Variants in SORBS2 observed in about 807,000 individuals in gnomAD.
SORBS2 encodes the protein sorbin and SH3 domain containing 2.
A neutral mutation model predicts 97.7 loss-of-function variants in SORBS2; 46 were observed. That is an observed-to-expected ratio of 0.47 (90% CI 0.37 to 0.60). The LOEUF (loss-of-function observed/expected upper bound fraction) is 0.60, where lower values mean the gene tolerates loss of function less well. Ranked by LOEUF, SORBS2 falls within the 20% of genes least tolerant of loss-of-function variation. The pLI, the probability that SORBS2 is intolerant of heterozygous loss-of-function variation, is 0.00. For missense variants in SORBS2, 1,316 were observed against 1,282.3 expected (o/e 1.03, Z -0.40); for synonymous variants, 476 against 473.4 (o/e 1.01, Z -0.07).
intron 1 of SORBS2, among the ~76,000 whole-genome samples, chr4:185,954,934 A>G (rs554066260): frequency 1.6e-3 from 241 of 152,338 alleles, no homozygotes; most frequent in Non-Finnish European, 2.7e-3. Flanking sequence ...CCTGGCCAAC[A>G]TGAGTAAAAC....
In SORBS2 at chr4:185,684,744, G is replaced by T; in HGVS notation, c.-197-5922C>A. On this transcript the variant is annotated intron_variant, in intron 2 of 20. Transcript: ENST00000284776. This position sits in a 1 kb window ranked among gnomAD's most constrained non-coding sequence, Gnocchi z 4.2. ...CAAGTGCGACATTGTGTGAGTTAGT[G>T]ATATTATACCTGCAGCCAATAGGTT... The T allele has an allele frequency of 6.5e-7, 1 of 1,536,226 alleles. No homozygotes were observed. The highest frequency in any genetic ancestry group is 8.8e-7 in the Non-Finnish European group (1 of 1,133,190).
At chr4:185,925,829 C>CG (rs1448818034) in intron 1 of SORBS2, among the ~76,000 whole-genome samples, 1 of 152,068 alleles carries the variant, frequency 6.6e-6, no homozygotes, top group Non-Finnish European at 1.5e-5. Flanking sequence ...ATATAGAGTC[C>CG]GGGTGCAGGG....
Position 185,752,221 on chromosome 4 carries a change from T to C in SORBS2, c.-198+23006A>G, listed in dbSNP as rs150628581. Among the ~76,000 whole-genome samples, 51 of 151,804 alleles carry C rather than the reference T, an allele frequency of 3.4e-4. 1 individual carries two copies. The highest frequency in any genetic ancestry group is 1.2e-3 in the African/African-American group (48 of 41,524). On this transcript the variant is annotated intron_variant, in intron 2 of 20. Coordinates refer to the SORBS2 transcript ENST00000284776. ...AAAAACAAATGTAAGCAACATTTAT[T>C]ACTGTAGTTAGAATTTTAAAATATG...
intron 2 of SORBS2, 67 bp downstream of exon 10, chr4:185,652,595 T>A (rs896756934): frequency 8.1e-7 from 1 of 1,238,198 alleles, no homozygotes; most frequent in Admixed American, 1.7e-5. Context: ...ATCAAACCGA[T>A]GCAAAAGACG....
At chr4:185,624,007 G>A in exon 7 of SORBS2, 2 of 1,614,212 alleles carry the variant, frequency 1.2e-6, no homozygotes, top group Admixed American at 1.7e-5. Context: ...TCACGGAGCA[G>A]ATCACCTCGG....
intron 6 of SORBS2, among the ~76,000 whole-genome samples, chr4:185,625,318 C>A (rs1343024927): frequency 6.6e-6 from 1 of 152,146 alleles, no homozygotes; most frequent in Admixed American, 6.5e-5. Context: ...CATTTGGCCT[C>A]AATTTTGAAT....
rs556262899 is a variant in SORBS2 at position 185,759,224 on chromosome 4, C to T, written c.-198+16003G>A. ...GCCTGCAGAGGAGATAACAGCTTCT[C>T]GCTTAAAGATATGGAGTAGGCGTTA... is the stretch of plus-strand genomic sequence containing the variant. On this transcript the variant is annotated intron_variant, in intron 2 of 20. Coordinates refer to the SORBS2 transcript ENST00000284776. 9.9e-5 allele frequency among the ~76,000 whole-genome samples: 15 copies of T among 152,274 alleles called. No homozygotes were observed. In the South Asian group the frequency reaches 1.5e-3, roughly 15 times the overall value.
chr4:185,909,144 A>G (rs534198827), intron 1 of SORBS2, among the ~76,000 whole-genome samples: 1 of 152,350 alleles, frequency 6.6e-6, no homozygotes, highest in East Asian at 1.9e-4. Flanking sequence ...TATGGAATCA[A>G]CCTAAGTGTC....
intron 1 of SORBS2, among the ~76,000 whole-genome samples, chr4:185,913,870 A>G (rs1291022159): frequency 1.3e-5 from 2 of 152,210 alleles, no homozygotes; most frequent in Admixed American, 1.3e-4. Flanking sequence ...GTTGATGTAG[A>G]AAACATAATT....
At chr4:185,631,705 C>T (rs926274929) in intron 4 of SORBS2, among the ~76,000 whole-genome samples, 5 of 151,860 alleles carry the variant, frequency 3.3e-5, no homozygotes, top group African/African-American at 9.7e-5. Flanking sequence ...GAGGTTGCAG[C>T]GAGTCGAGAT....
chr4:185,840,343 C>T (rs1477716702), intron 1 of SORBS2, among the ~76,000 whole-genome samples: 3 of 152,156 alleles, frequency 2.0e-5, no homozygotes. Context: ...CTCATTCATA[C>T]AAGATAGAAT....
chr4:185,903,180 A>G (rs1314169116), intron 1 of SORBS2, among the ~76,000 whole-genome samples: 1 of 152,258 alleles, frequency 6.6e-6, no homozygotes, highest in Non-Finnish European at 1.5e-5. Context: ...TTTATATTTT[A>G]TAGTGATTTT....
chr4:185,758,282 T>C (rs1369058713), intron 2 of SORBS2, among the ~76,000 whole-genome samples: 2 of 152,238 alleles, frequency 1.3e-5, no homozygotes, highest in Non-Finnish European at 2.9e-5. Flanking sequence ...TTGAGGTCCA[T>C]ATTGTAAAAT....
At chr4:185,674,830 G>T (rs1180310368) in intron 4 of SORBS2, among the ~76,000 whole-genome samples, 3 of 152,106 alleles carry the variant, frequency 2.0e-5, no homozygotes, top group Admixed American at 2.0e-4. Context: ...TTTCAGTGAG[G>T]TCTATTGATA....
exon 1 of SORBS2, chr4:185,656,730 C>A: frequency 6.5e-7 from 1 of 1,542,964 alleles, no homozygotes; most frequent in Non-Finnish European, 8.7e-7. Flanking sequence ...CTCTCAGAAG[C>A]TGCCTCTGCT....
intron 1 of SORBS2, among the ~76,000 whole-genome samples, chr4:185,827,327 T>C (rs201806919): frequency 0.15 from 1,635 of 10,722 alleles, 1 homozygote; most frequent in Non-Finnish European, 0.19. Flanking sequence ...ATCACCATCA[T>C]CATCATCATC....
intron 1 of SORBS2, among the ~76,000 whole-genome samples, chr4:185,821,897 T>G (rs541273362): frequency 6.7e-4 from 102 of 152,318 alleles, no homozygotes; most frequent in African/African-American, 2.3e-3. Flanking sequence ...AACACCTTCT[T>G]CTGTGCAAGG....
chr4:185,728,761 C>T (rs76045773), intron 2 of SORBS2, among the ~76,000 whole-genome samples: 1,597 of 152,176 alleles, frequency 0.01, 35 homozygotes, highest in African/African-American at 0.037. Context: ...CTCATTAAAT[C>T]GCCCATTTAG....
At chr4:185,935,416 T>A (rs1202164164) in intron 1 of SORBS2, among the ~76,000 whole-genome samples, 1 of 152,168 alleles carries the variant, frequency 6.6e-6, no homozygotes, top group African/African-American at 2.4e-5. Context: ...TTTGCATCAG[T>A]TTTCTCTGCC....
Sources: gnomAD v4.1 joint callset for allele counts (sites outside exome capture counted in the v4.1 genomes callset) on GRCh38, gnomAD v4.1.1 for gene constraint, Gnocchi (gnomAD v3.1) non-coding constraint, MANE v1.5 for transcripts, NCBI Gene and HGNC (gene_info 2026-07-23, HGNC 2026-07-21) for gene names.